The following PDE1A variants were observed in gnomAD, a reference collection of about 807,000 sequenced individuals.
PDE1A encodes dual specificity calcium/calmodulin-dependent 3',5'-cyclic nucleotide phosphodiesterase 1A.
Under a neutral mutation model 61.7 loss-of-function variants are expected in PDE1A, and 35 were observed. That is an observed-to-expected ratio of 0.57 (90% CI 0.43 to 0.75). PDE1A has a LOEUF of 0.75. Ranked by LOEUF, PDE1A falls within the 30% of genes least tolerant of loss-of-function variation. The pLI is 0.00. For synonymous variants in PDE1A, 232 were observed against 213.2 expected, an observed-to-expected ratio of 1.09 and a Z score of -0.77; for missense variants, 597 against 630.6, an observed-to-expected ratio of 0.95 and a Z score of 0.57.
At chr2:182,535,458 G>A in the PDE1A span, among the ~76,000 whole-genome samples, 4 of 151,988 alleles carry the variant, frequency 2.6e-5, no homozygotes, top group African/African-American at 7.2e-5. Flanking sequence ...TTATGCTTTC[G>A]TATTTTTCCA....
At chr2:182,552,620 G>GC in the PDE1A span, among the ~76,000 whole-genome samples, 1 of 151,910 alleles carries the variant, frequency 6.6e-6, no homozygotes, top group African/African-American at 2.4e-5. Flanking sequence ...CACGGGGCTT[G>GC]CAACTTAGCT....
the PDE1A span, among the ~76,000 whole-genome samples, chr2:182,642,316 G>C: frequency 6.6e-6 from 1 of 152,156 alleles, no homozygotes; most frequent in African/African-American, 2.4e-5. Flanking sequence ...TTAAATCCAG[G>C]AATTTAAACA....
chr2:182,607,051 GA>G, the PDE1A span, among the ~76,000 whole-genome samples: 251 of 150,546 alleles, frequency 1.7e-3, 1 homozygote, highest in African/African-American at 4.7e-3. Context: ...AACGTGGGGG[GA>G]AAAAAAAAGA....
intron 1 of PDE1A, among the ~76,000 whole-genome samples, chr2:182,264,878 C>CATACATATATATATATATATATATAT (rs1553560266): frequency 9.4e-6 from 1 of 106,878 alleles, no homozygotes; most frequent in African/African-American, 3.7e-5. Context: ...TATATATATA[C>CATACATATATATATATATATATATAT]ATATATATAT....
intron 3 of PDE1A, among the ~76,000 whole-genome samples, chr2:182,238,663 TGA>T (rs1690258695): frequency 1.3e-5 from 2 of 152,196 alleles, no homozygotes; most frequent in Non-Finnish European, 2.9e-5. Context: ...GATTCAACAG[TGA>T]TTTAAAAAAG....
At chr2:182,235,049 A>G (rs1689898176) in intron 3 of PDE1A, among the ~76,000 whole-genome samples, 1 of 152,220 alleles carries the variant, frequency 6.6e-6, no homozygotes, top group African/African-American at 2.4e-5. Context: ...TTGTCATTCA[A>G]TATTAAGAAA....
At chr2:182,464,591 G>T (rs929478506) in intron 2 of PDE1A, among the ~76,000 whole-genome samples, 8 of 151,834 alleles carry the variant, frequency 5.3e-5, no homozygotes, top group Admixed American at 5.3e-4. Context: ...AGTTAACATG[G>T]TAAAAAAAAT....
intron 1 of PDE1A, among the ~76,000 whole-genome samples, chr2:182,269,559 T>C (rs1362727232): frequency 1.3e-5 from 2 of 151,940 alleles, no homozygotes; most frequent in African/African-American, 4.8e-5. Flanking sequence ...ATACATACTT[T>C]TCCAGAAAAT....
At chr2:182,568,400 T>C in the PDE1A span, among the ~76,000 whole-genome samples, 1 of 152,140 alleles carries the variant, frequency 6.6e-6, no homozygotes. Context: ...ACACAAAGAC[T>C]GGGCGCGGTG....
At chr2:182,499,627 G>A (rs986163728) in intron 2 of PDE1A, among the ~76,000 whole-genome samples, 10 of 152,194 alleles carry the variant, frequency 6.6e-5, no homozygotes, top group African/African-American at 2.4e-4. Context: ...AAAGGCCTCA[G>A]GCTCCTTGAT....
intron 1 of PDE1A, among the ~76,000 whole-genome samples, chr2:182,354,534 C>G (rs1009764768): frequency 2.0e-5 from 3 of 152,074 alleles, no homozygotes; most frequent in Non-Finnish European, 4.4e-5. Context: ...TGATTTTTCA[C>G]AGTAAGTGTC....
At chr2:182,381,486 T>A (rs1376302227) in intron 1 of PDE1A, among the ~76,000 whole-genome samples, 1 of 152,166 alleles carries the variant, frequency 6.6e-6, no homozygotes, top group Non-Finnish European at 1.5e-5. Flanking sequence ...CAGTGTAATG[T>A]CATGTGTTGC....
At chr2:182,502,974 A>G (rs2125921668) in intron 2 of PDE1A, among the ~76,000 whole-genome samples, 1 of 151,716 alleles carries the variant, frequency 6.6e-6, no homozygotes, top group Non-Finnish European at 1.5e-5. Flanking sequence ...TCAGGTAAGG[A>G]ACTGTAGACC....
the PDE1A span, among the ~76,000 whole-genome samples, chr2:182,581,799 C>A: frequency 1.3e-5 from 2 of 152,110 alleles, no homozygotes; most frequent in African/African-American, 4.8e-5. Flanking sequence ...AGAGACTCAA[C>A]CAGAACGTGA....
the PDE1A span, among the ~76,000 whole-genome samples, chr2:182,651,016 T>C: frequency 6.6e-6 from 1 of 152,150 alleles, no homozygotes; most frequent in Non-Finnish European, 1.5e-5. Flanking sequence ...TTTTGTTTTG[T>C]TTTTTTCCAG....
chr2:182,258,359 G>A (rs898823240), intron 2 of PDE1A, among the ~76,000 whole-genome samples: 14 of 152,070 alleles, frequency 9.2e-5, no homozygotes, highest in African/African-American at 2.9e-4. Flanking sequence ...AAATGCAAAG[G>A]AACAATTCAT....
chr2:182,575,779 AATT>A, the PDE1A span, among the ~76,000 whole-genome samples: 1 of 146,378 alleles, frequency 6.8e-6, no homozygotes, highest in African/African-American at 2.5e-5. Context: ...TATATATTAT[AATT>A]ATTAATAATT....
chr2:182,512,613 T>C lies in PDE1A; in HGVS notation c.101+9663A>G, dbSNP rs372075914. Among the ~76,000 whole-genome samples, 4 of 152,236 alleles carry C rather than the reference T, an allele frequency of 2.6e-5. No individual in the cohort carries two copies. In the East Asian group the frequency reaches 5.8e-4, roughly 22 times the overall value. On this transcript the variant is annotated intron_variant, in intron 2 of 14. Transcript: ENST00000410103. ...TTTTTACCAGACGAAATAGTTGAAA[T>C]GACAGACACAGAGTTCAGAATCTGG...
chr2:182,400,805 A>T (rs1276375861), intron 1 of PDE1A, among the ~76,000 whole-genome samples: 1 of 152,212 alleles, frequency 6.6e-6, no homozygotes, highest in Non-Finnish European at 1.5e-5. Flanking sequence ...AATGGCAGGT[A>T]CTATCTTGAT....
Sources: allele counts gnomAD v4.1 joint callset (sites outside exome capture counted in the v4.1 genomes callset), GRCh38; gene constraint gnomAD v4.1.1; transcripts MANE v1.5; gene names NCBI Gene and HGNC (gene_info 2026-07-23, HGNC 2026-07-21).